TM7SF3: variants seen among roughly 807,000 people sequenced by gnomAD.
TM7SF3 encodes transmembrane 7 superfamily member 3, also known as seven span transmembrane protein.
TM7SF3 carries 60 observed loss-of-function variants against 65.5 expected under a neutral mutation model. The ratio of observed to expected loss-of-function variants is 0.92; its 90% CI spans 0.74 to 1.14. TM7SF3 has a LOEUF of 1.14. Ranked by LOEUF, TM7SF3 falls within the 50% of genes most tolerant of loss-of-function variation. The pLI, the probability that TM7SF3 is intolerant of heterozygous loss-of-function variation, is 0.00. For synonymous variants in TM7SF3, 264 were observed against 259.6 expected, an observed-to-expected ratio of 1.02 and a Z score of -0.16; for missense variants, 623 against 684.8, an observed-to-expected ratio of 0.91 and a Z score of 1.01.
At chr12:26,980,728 A>G (rs761202954) in intron 7 of TM7SF3, 82 bp from the exon 8 acceptor site, 9 of 671,082 alleles carry the variant, frequency 1.3e-5, no homozygotes, top group African/African-American at 3.8e-5. Context: ...TGCAATTTAA[A>G]TATTTAATCT....
In TM7SF3 at chr12:26,974,301, G is replaced by A. The variant is rs529911353; in HGVS notation, c.1451-74C>T. 490 of 1,455,390 alleles carry A rather than the reference G, an allele frequency of 3.4e-4. 5 individuals are homozygous for A. In the South Asian group the frequency reaches 6.3e-3, roughly 19 times the overall value. 90.2% of individuals were successfully genotyped at this position (1,455,390 alleles called of 1,614,324 possible). ...CTAACATAATAATACAACCCTTCAT[G>A]GACTAAATCTGTATATTCCTTTCTA... is the stretch of plus-strand genomic sequence containing the variant. On this transcript the variant is annotated intron_variant, in intron 11 of 11. Transcript: ENST00000343028.
At chr12:26,995,969 T>C (rs1266969174) in intron 4 of TM7SF3, among the ~76,000 whole-genome samples, 5 of 152,100 alleles carry the variant, frequency 3.3e-5, no homozygotes, top group Admixed American at 1.3e-4. Flanking sequence ...GATTCTGATA[T>C]CAGTCAGGCC....
intron 9 of TM7SF3, chr12:26,979,173 A>G (rs1939698688): frequency 6.6e-6 from 1 of 152,298 alleles, no homozygotes; most frequent in South Asian, 2.1e-4. Context: ...CAGAAAGGAA[A>G]CAACCAAATA....
chr12:26,979,064 T>C (rs1243477030), intron 9 of TM7SF3: 1 of 152,246 alleles, frequency 6.6e-6, no homozygotes, highest in East Asian at 1.9e-4. Flanking sequence ...TACTCTATTA[T>C]ATCCTGCATT....
Position 26,990,619 on chromosome 12 carries a change from G to A in TM7SF3, c.699C>T (p.Thr233=), listed in dbSNP as rs1164170959. 1 of 1,612,554 alleles carries A rather than the reference G, an allele frequency of 6.2e-7. No individual in the cohort carries two copies. ...CACTTGTCTTATCATTAGCTGTTAGGGTAACCACCTGAAGCCAAAAATAAC... is the reference window on the plus strand; with the variant it reads ...CACTTGTCTTATCATTAGCTGTTAGAGTAACCACCTGAAGCCAAAAATAAC... ...QVKASALKVV[T]LTANDKTSVS... Residue 233 remains threonine (T), a synonymous_variant, in exon 6 of 12, where the codon ACC becomes ACT. Transcript: ENST00000343028.
intron 6 of TM7SF3, among the ~76,000 whole-genome samples, chr12:26,987,018 T>C (rs1038011921): frequency 2.0e-5 from 3 of 152,164 alleles, no homozygotes; most frequent in African/African-American, 7.2e-5. Context: ...GCTCTAAACA[T>C]TGGAGCACCC....
At chr12:27,004,768 A>T (rs561707997) in intron 1 of TM7SF3, among the ~76,000 whole-genome samples, 12 of 152,278 alleles carry the variant, frequency 7.9e-5, no homozygotes, top group Middle Eastern at 3.4e-3. Context: ...ATGTTTTTTT[A>T]AAAAAATGAT....
chr12:27,008,298 A>C (rs928225576), intron 1 of TM7SF3, among the ~76,000 whole-genome samples: 5 of 152,168 alleles, frequency 3.3e-5, no homozygotes, highest in Admixed American at 6.5e-5. Flanking sequence ...ATGGGTGTTA[A>C]GAAACCTTTG....
At chr12:26,997,768 C>T (rs888915687) in intron 3 of TM7SF3, among the ~76,000 whole-genome samples, 4 of 151,578 alleles carry the variant, frequency 2.6e-5, no homozygotes, top group Admixed American at 1.3e-4. Context: ...CTCTAGCATA[C>T]GGACACTTTC....
intron 9 of TM7SF3, among the ~76,000 whole-genome samples, chr12:26,977,519 C>T (rs1359779177): frequency 2.6e-5 from 4 of 152,144 alleles, no homozygotes; most frequent in Middle Eastern, 3.4e-3. Context: ...TTTGGGAGGC[C>T]GAGGTGAACA....
At chr12:26,983,339 C>G (rs148566838) in intron 6 of TM7SF3, among the ~76,000 whole-genome samples, 21 of 152,210 alleles carry the variant, frequency 1.4e-4, no homozygotes, top group African/African-American at 5.1e-4. Flanking sequence ...CTGATTCAAA[C>G]AAACTGTGGA....
At position 26,979,806 on chromosome 12, in the gene TM7SF3, T is replaced by C. The variant is rs1309000772; in HGVS notation, c.1167A>G (p.Ser389=). Residue 389 remains serine, a synonymous_variant, in exon 9 of 12, where the codon TCA becomes TCG. Coordinates refer to ENST00000343028, the MANE Select transcript of TM7SF3 (RefSeq NM_016551.3). ...VGLVLGFLIS[S]VTFFTPLGNL... ...TACCCAGTGGAGTAAAGAAAGTCAC[T>C]GACGAGATGAGGAACCCCAGCACTA... 4 of 1,614,064 alleles carry C rather than the reference T, an allele frequency of 2.5e-6. No homozygotes were observed. The Admixed American group carries it at 6.7e-5, about 27-fold the overall frequency.
intron 11 of TM7SF3, 131 bp from the exon 12 acceptor site, chr12:26,974,358 T>G: frequency 1.1e-6 from 1 of 945,952 alleles, no homozygotes; most frequent in Non-Finnish European, 1.5e-6. Flanking sequence ...TCCAAACACA[T>G]ATGTAGTTCC....
rs538534155 is a variant in TM7SF3, at chr12:26,993,515, G to T, written c.690+1722C>A. On this transcript the variant is annotated intron_variant, in intron 5 of 11. Coordinates refer to ENST00000343028, the MANE Select transcript of TM7SF3 (RefSeq NM_016551.3). The stretch of plus-strand genomic sequence containing the variant: ...ATGTCAGACTGCACTACATAAGCAC[G>T]TAATACAGGCTGATCCATTTTCAGT... Among the ~76,000 whole-genome samples the T allele has an allele frequency of 2.0e-5, 3 of 152,224 alleles. No individual in the cohort carries two copies. The East Asian group carries it at 5.8e-4, about 29-fold the overall frequency.
At chr12:26,996,137 G>T (rs1269059641) in intron 4 of TM7SF3, among the ~76,000 whole-genome samples, 2 of 149,826 alleles carry the variant, frequency 1.3e-5, no homozygotes, top group Non-Finnish European at 3.0e-5. Flanking sequence ...AACATAGAAA[G>T]ACCTCATCTT....
chr12:26,999,254 G>C (rs935763492), intron 3 of TM7SF3, among the ~76,000 whole-genome samples: 4 of 151,952 alleles, frequency 2.6e-5, no homozygotes, highest in African/African-American at 9.7e-5. Flanking sequence ...AAATTAGCTG[G>C]GCCTGGTGGC....
At chr12:26,976,957 A>T (rs190294689) in intron 9 of TM7SF3, among the ~76,000 whole-genome samples, 2 of 152,268 alleles carry the variant, frequency 1.3e-5, no homozygotes, top group Admixed American at 1.3e-4. Flanking sequence ...CTGCTGCTGG[A>T]CTCTAAAATG....
At chr12:26,988,544 G>C (rs370561914) in intron 6 of TM7SF3, among the ~76,000 whole-genome samples, 5 of 152,156 alleles carry the variant, frequency 3.3e-5, no homozygotes, top group East Asian at 3.9e-4. Flanking sequence ...AATAACTACT[G>C]TATCAGTGTT....
chr12:27,006,345 G>T lies in TM7SF3; in HGVS notation c.92-2955C>A, dbSNP rs894401069. 9.2e-5 allele frequency among the ~76,000 whole-genome samples: 14 copies of T among 151,520 alleles called. No homozygotes were observed. In the South Asian group the frequency reaches 2.9e-3, roughly 32 times the overall value. Reference sequence around the variant, plus strand: ...GTAGGGACTGGGTTTCACTATGTTGGCCAGGCTGGTCTCAATCTCTTGACC... The same window carrying T: ...GTAGGGACTGGGTTTCACTATGTTGTCCAGGCTGGTCTCAATCTCTTGACC... On this transcript the variant is annotated intron_variant, in intron 1 of 11. Transcript: ENST00000343028.
Sources: gnomAD v4.1 joint callset for allele counts (sites outside exome capture counted in the v4.1 genomes callset) on GRCh38, gnomAD v4.1.1 for gene constraint, MANE v1.5 for transcripts, NCBI Gene and HGNC (gene_info 2026-07-23, HGNC 2026-07-21) for gene names.